The following ENTREP1 variants were observed in gnomAD, a reference collection of about 807,000 sequenced individuals.
The protein encoded by ENTREP1 is endosomal transmembrane epsin interactor 1.
chr9:69,328,614 G>T, the ENTREP1 span, among the ~76,000 whole-genome samples: 6 of 151,836 alleles, frequency 4.0e-5, no homozygotes, highest in Non-Finnish European at 8.8e-5. Flanking sequence ...AAATGGGCTT[G>T]ATAGGACATT....
the ENTREP1 span, chr9:69,371,488 T>C: frequency 1.9e-6 from 3 of 1,574,382 alleles, no homozygotes; most frequent in Non-Finnish European, 2.6e-6. Flanking sequence ...TCCATTCTCT[T>C]GCCATTTCAG....
the ENTREP1 span, among the ~76,000 whole-genome samples, chr9:69,348,266 C>T: frequency 6.6e-6 from 1 of 152,112 alleles, no homozygotes; most frequent in South Asian, 2.1e-4. Context: ...GCATGTGCCA[C>T]CATGCCCAGC....
chr9:69,372,004 T>C, the ENTREP1 span, among the ~76,000 whole-genome samples: 1 of 151,814 alleles, frequency 6.6e-6, no homozygotes, highest in African/African-American at 2.4e-5. Context: ...GCATTTAGAG[T>C]TTTTCCAGTT....
At chr9:69,342,649 C>T in the ENTREP1 span, among the ~76,000 whole-genome samples, 1 of 152,242 alleles carries the variant, frequency 6.6e-6, no homozygotes, top group Non-Finnish European at 1.5e-5. Context: ...TTTGTACGCT[C>T]ATCTGTACAA....
chr9:69,349,268 T>C, the ENTREP1 span, among the ~76,000 whole-genome samples: 5 of 151,946 alleles, frequency 3.3e-5, no homozygotes, highest in Admixed American at 2.6e-4. Flanking sequence ...TTTGTGGATA[T>C]GTTTTCATTT....
the ENTREP1 span, among the ~76,000 whole-genome samples, chr9:69,340,730 T>C: frequency 4.4e-5 from 6 of 136,994 alleles, no homozygotes; most frequent in Non-Finnish European, 7.8e-5. Flanking sequence ...TGCATGTGTG[T>C]GTGTATGTGT....
At chr9:69,325,417 G>T in the ENTREP1 span, 2 of 1,034,248 alleles carry the variant, frequency 1.9e-6, no homozygotes, top group East Asian at 7.1e-5. Flanking sequence ...CTCAGGAGCC[G>T]CCGCTGCCCC....
the ENTREP1 span, among the ~76,000 whole-genome samples, chr9:69,348,132 T>C: frequency 6.6e-6 from 1 of 152,136 alleles, no homozygotes; most frequent in African/African-American, 2.4e-5. Context: ...GTCTTTCTTT[T>C]TTAAAAGAAG....
the ENTREP1 span, among the ~76,000 whole-genome samples, chr9:69,336,478 C>T: frequency 6.6e-6 from 1 of 152,052 alleles, no homozygotes; most frequent in Non-Finnish European, 1.5e-5. Context: ...TCCTTAAGTA[C>T]CCAGTGCTAT....
At chr9:69,345,179 C>T in the ENTREP1 span, among the ~76,000 whole-genome samples, 60 of 152,078 alleles carry the variant, frequency 3.9e-4, no homozygotes, top group African/African-American at 1.3e-3. Flanking sequence ...GAGGCTGGGT[C>T]GGGGTGTCAG....
chr9:69,380,712 G>C, the ENTREP1 span: 3 of 152,252 alleles, frequency 2.0e-5, no homozygotes, highest in African/African-American at 7.2e-5. Context: ...GCTTGAGCCA[G>C]GGATCAAGGA....
the ENTREP1 span, among the ~76,000 whole-genome samples, chr9:69,374,922 T>C: frequency 6.6e-6 from 1 of 152,302 alleles, no homozygotes; most frequent in Admixed American, 6.5e-5. Context: ...GGATCAGGAA[T>C]AGGGGAGAAG....
the ENTREP1 span, among the ~76,000 whole-genome samples, chr9:69,378,249 G>A: frequency 6.6e-6 from 1 of 152,042 alleles, no homozygotes; most frequent in Non-Finnish European, 1.5e-5. Flanking sequence ...CCATCAGCAG[G>A]TCTCAACAAT....
At chr9:69,381,143 T>C in the ENTREP1 span, 1 of 152,246 alleles carries the variant, frequency 6.6e-6, no homozygotes, top group African/African-American at 2.4e-5. Flanking sequence ...AATTTCCATC[T>C]TCAGTGCTCC....
At chr9:69,372,743 A>T in the ENTREP1 span, among the ~76,000 whole-genome samples, 1 of 152,142 alleles carries the variant, frequency 6.6e-6, no homozygotes, top group African/African-American at 2.4e-5. Context: ...TTTTTTGAGG[A>T]AACTTTGTAT....
chr9:69,384,077 G>C, the ENTREP1 span: 6 of 1,393,000 alleles, frequency 4.3e-6, no homozygotes, highest in East Asian at 2.3e-5. Context: ...GATAAAATAG[G>C]CTGGGCAAGG....
the ENTREP1 span, chr9:69,392,286 C>T: frequency 1.9e-5 from 3 of 161,116 alleles, no homozygotes; most frequent in African/African-American, 7.2e-5. Flanking sequence ...AGCCTTGTTT[C>T]AGGTCACCCT....
At chr9:69,371,303 G>C in the ENTREP1 span, 1 of 635,560 alleles carries the variant, frequency 1.6e-6, no homozygotes, top group Non-Finnish European at 2.8e-6. Context: ...GAAGACTTAA[G>C]AGTCAGTGGC....
the ENTREP1 span, among the ~76,000 whole-genome samples, chr9:69,337,628 C>G: frequency 6.6e-6 from 1 of 152,110 alleles, no homozygotes; most frequent in Non-Finnish European, 1.5e-5. Flanking sequence ...CGACTGTAAA[C>G]TTATCATTCA....
Sources: gnomAD v4.1 joint callset for allele counts (sites outside exome capture counted in the v4.1 genomes callset) on GRCh38, gnomAD v4.1.1 for gene constraint, MANE v1.5 for transcripts, NCBI Gene and HGNC (gene_info 2026-07-23, HGNC 2026-07-21) for gene names.